BST1: variants seen among roughly 807,000 people sequenced by gnomAD.
BST1 encodes bone marrow stromal cell antigen 1, also known as ADP-ribosyl cyclase/cyclic ADP-ribose hydrolase 2.
In BST1, 49 loss-of-function variants were observed where a neutral mutation model predicts 40.6. That is an observed-to-expected ratio of 1.21 (90% confidence interval 0.96 to 1.53). The LOEUF (loss-of-function observed/expected upper bound fraction) is 1.53. Among genes scored for constraint, BST1 ranks in the 40% most tolerant of loss-of-function variants. BST1 has a pLI of 0.00. For missense variants in BST1, 423 were observed against 395.9 expected (o/e 1.07, Z -0.58); for synonymous variants, 157 against 159.3 (o/e 0.99, Z 0.11).
At chr4:15,757,737 G>A in the BST1 span, among the ~76,000 whole-genome samples, 1 of 152,118 alleles carries the variant, frequency 6.6e-6, no homozygotes, top group African/African-American at 2.4e-5. Context: ...CATCTCCTGG[G>A]TTCGAGTGAT....
At position 15,703,395 on chromosome 4, in the gene BST1, A is replaced by AG. The variant is rs958704103; in HGVS notation, c.188+67dup. 11 of 1,219,834 alleles carry AG rather than the reference A, an allele frequency of 9.0e-6. No homozygotes were observed. The African/African-American group carries it at 1.8e-4, about 20-fold the overall frequency. The allele number at this position is 1,219,834 out of a possible 1,614,324, so 75.6% of individuals were successfully genotyped here. ...AGGCAACGGTGGGGAGGGCCTGGGG[A>AG]GGGGAAAACTGGCGCTAAAGTTCGG... On this transcript the variant is annotated intron_variant, in intron 1 of 8. Transcript: ENST00000265016.
intron 1 of BST1, chr4:15,704,894 A>C (rs776159641): frequency 6.5e-6 from 5 of 763,500 alleles, no homozygotes; most frequent in Non-Finnish European, 1.2e-5. Flanking sequence ...TCTTGTGCTG[A>C]TCATTTTTAT....
At chr4:15,722,526 TCCTG>T (rs907482887) in intron 7 of BST1, among the ~76,000 whole-genome samples, 2 of 152,018 alleles carry the variant, frequency 1.3e-5, no homozygotes, top group Admixed American at 6.6e-5. Flanking sequence ...CTCCTGGGCC[TCCTG>T]CCTCAGCCTC....
intron 4 of BST1, among the ~76,000 whole-genome samples, chr4:15,713,206 CTTTTTTTT>C (rs34681185): frequency 1.7e-5 from 2 of 114,752 alleles, no homozygotes; most frequent in South Asian, 2.9e-4. Flanking sequence ...ATATTTTCAT[CTTTTTTTT>C]TTTTTTTTTT....
the BST1 span, among the ~76,000 whole-genome samples, chr4:15,771,090 A>G: frequency 3.7e-4 from 56 of 152,344 alleles, no homozygotes; most frequent in African/African-American, 1.3e-3. Context: ...TATTTGTTGA[A>G]TAAATGAATA....
chr4:15,722,438 T>C (rs1263569460), intron 7 of BST1, among the ~76,000 whole-genome samples: 2 of 152,152 alleles, frequency 1.3e-5, no homozygotes, highest in African/African-American at 4.8e-5. Context: ...TTTGTTTTAG[T>C]TTTTCTAGAT....
chr4:15,749,584 A>T, the BST1 span, among the ~76,000 whole-genome samples: 1 of 152,200 alleles, frequency 6.6e-6, no homozygotes, highest in Non-Finnish European at 1.5e-5. Flanking sequence ...CACTTCTTCA[A>T]TTAGAACTAA....
chr4:15,755,571 T>C, the BST1 span, among the ~76,000 whole-genome samples: 5 of 152,268 alleles, frequency 3.3e-5, no homozygotes, highest in African/African-American at 1.2e-4. Flanking sequence ...TTTGCAATAT[T>C]AATGTATTCA....
Position 15,703,175 on chromosome 4 carries a change from C to T in BST1, c.31C>T (p.Leu11=). 3 of 1,562,756 alleles carry T rather than the reference C, an allele frequency of 1.9e-6. No homozygotes were observed. Among genetic ancestry groups the T allele is most frequent in the Non-Finnish European group, 2.6e-6 (3 of 1,155,418 alleles). MAAQGCAASR[L]LQLLLQLLLL... Reference sequence around the variant, plus strand: ...GGCCCAGGGGTGCGCGGCATCGCGGCTGCTCCAGCTGCTGCTGCAGCTTCT... The same window carrying T: ...GGCCCAGGGGTGCGCGGCATCGCGGTTGCTCCAGCTGCTGCTGCAGCTTCT... Residue 11 remains leucine (L), a synonymous_variant, in exon 1 of 9, where the codon CTG becomes TTG. Transcript: ENST00000265016.
At chr4:15,737,672 A>G (rs1050461792), downstream of BST1, 4 of 638,356 alleles carry the variant, frequency 6.3e-6, no homozygotes, top group Non-Finnish European at 1.0e-5. Context: ...GGGTGGGCAC[A>G]TGAAGAACTG....
downstream of BST1, among the ~76,000 whole-genome samples, chr4:15,734,162 C>G (rs1056682688): frequency 1.3e-5 from 2 of 152,016 alleles, no homozygotes; most frequent in African/African-American, 2.4e-5. Context: ...GGAGAGCAGA[C>G]CAGTGATTGT....
At chr4:15,718,026 T>G (rs1720601298) in intron 6 of BST1, among the ~76,000 whole-genome samples, 1 of 152,220 alleles carries the variant, frequency 6.6e-6, no homozygotes, top group African/African-American at 2.4e-5. Context: ...GAAGGTAGAC[T>G]TATAGCTTAT....
chr4:15,714,341 C>G (rs1240048621), intron 4 of BST1, among the ~76,000 whole-genome samples: 2 of 152,188 alleles, frequency 1.3e-5, no homozygotes, highest in Admixed American at 1.3e-4. Flanking sequence ...AAATTACATG[C>G]TCCAGTAGTA....
chr4:15,715,442 T>G, intron 5 of BST1, 81 bp downstream of exon 5: 1 of 1,421,898 alleles, frequency 7.0e-7, no homozygotes. Context: ...CTAAAGAAAA[T>G]TATCCTAGTC....
At chr4:15,725,921 T>C (rs970913301) in intron 8 of BST1, among the ~76,000 whole-genome samples, 2 of 150,812 alleles carry the variant, frequency 1.3e-5, no homozygotes, top group Non-Finnish European at 3.0e-5. Context: ...GTTTATCTTC[T>C]GACTGACCTA....
downstream of BST1, chr4:15,736,117 T>C (rs1291292823): frequency 7.8e-6 from 10 of 1,288,756 alleles, no homozygotes; most frequent in Non-Finnish European, 2.0e-6. Context: ...CCGCCGGTTC[T>C]AGCCTTTGTA....
chr4:15,743,201 T>G (rs757408561), downstream of BST1: 27 of 160,130 alleles, frequency 1.7e-4, no homozygotes, highest in Non-Finnish European at 2.8e-4. Flanking sequence ...AAAATAAAAT[T>G]CAGACACCAA....
the BST1 span, among the ~76,000 whole-genome samples, chr4:15,752,997 A>G: frequency 1.3e-5 from 2 of 150,388 alleles, no homozygotes; most frequent in African/African-American, 5.0e-5. Flanking sequence ...ATATTTAAAT[A>G]TAAATCACTA....
chr4:15,768,717 C>G, the BST1 span, among the ~76,000 whole-genome samples: 1 of 151,708 alleles, frequency 6.6e-6, no homozygotes, highest in Non-Finnish European at 1.5e-5. Context: ...AGGATGGTCT[C>G]GATCTCCTGA....
Sources: gnomAD v4.1 joint callset for allele counts (sites outside exome capture counted in the v4.1 genomes callset) on GRCh38, gnomAD v4.1.1 for gene constraint, MANE v1.5 for transcripts, NCBI Gene and HGNC (gene_info 2026-07-23, HGNC 2026-07-21) for gene names.